The following SPMIP7 variants were observed in gnomAD, a reference collection of about 807,000 sequenced individuals.
The protein encoded by SPMIP7 is protein SPMIP7.
the SPMIP7 span, among the ~76,000 whole-genome samples, chr7:50,128,654 G>A: frequency 1.3e-5 from 2 of 151,884 alleles, no homozygotes; most frequent in African/African-American, 2.4e-5. Flanking sequence ...AGAATAGAAG[G>A]TACATGCGGA....
the SPMIP7 span, chr7:50,140,013 C>A: frequency 1.5e-6 from 1 of 651,720 alleles, no homozygotes. Flanking sequence ...AAATCACAAA[C>A]CTTTAAAGGA....
the SPMIP7 span, among the ~76,000 whole-genome samples, chr7:50,152,493 CG>C: frequency 6.6e-6 from 1 of 152,076 alleles, no homozygotes; most frequent in African/African-American, 2.4e-5. Context: ...GCATTGCAAA[CG>C]GTTTTGAAAA....
chr7:50,141,023 A>G, the SPMIP7 span, among the ~76,000 whole-genome samples: 2 of 152,214 alleles, frequency 1.3e-5, no homozygotes, highest in African/African-American at 4.8e-5. Flanking sequence ...TTTGTTCAGA[A>G]ACACAAAACA....
At chr7:50,138,343 T>C in the SPMIP7 span, among the ~76,000 whole-genome samples, 1 of 152,148 alleles carries the variant, frequency 6.6e-6, no homozygotes, top group Non-Finnish European at 1.5e-5. Context: ...GAATAGGAAA[T>C]ATAAAAGTGA....
chr7:50,139,349 C>CAAA, the SPMIP7 span, among the ~76,000 whole-genome samples: 1 of 96,514 alleles, frequency 1.0e-5, no homozygotes, highest in African/African-American at 3.9e-5. Context: ...GGCACCATCT[C>CAAA]AAAAAAAAAA....
chr7:50,096,784 CAA>C, the SPMIP7 span: 2 of 678,222 alleles, frequency 2.9e-6, no homozygotes, highest in Non-Finnish European at 4.5e-6. Context: ...TTATAAGAAA[CAA>C]AGGAATGATA....
chr7:50,154,726 G>GGAGGAA, the SPMIP7 span, among the ~76,000 whole-genome samples: 1 of 152,306 alleles, frequency 6.6e-6, no homozygotes, highest in South Asian at 2.1e-4. Context: ...TCCTTTGAGT[G>GGAGGAA]TATCTCCAGA....
the SPMIP7 span, among the ~76,000 whole-genome samples, chr7:50,135,594 A>G: frequency 6.6e-6 from 1 of 152,226 alleles, no homozygotes; most frequent in Non-Finnish European, 1.5e-5. Flanking sequence ...ATTTTAAAGG[A>G]TCTCTAAACT....
the SPMIP7 span, among the ~76,000 whole-genome samples, chr7:50,132,563 T>C: frequency 6.6e-6 from 1 of 152,180 alleles, no homozygotes; most frequent in Non-Finnish European, 1.5e-5. Context: ...AAAATATTTA[T>C]GAAATTTATC....
chr7:50,117,589 T>G, the SPMIP7 span, among the ~76,000 whole-genome samples: 1 of 152,194 alleles, frequency 6.6e-6, no homozygotes, highest in African/African-American at 2.4e-5. Context: ...ACCACAATTG[T>G]GAGTGTAGTG....
the SPMIP7 span, chr7:50,117,114 G>A: frequency 1.1e-5 from 4 of 361,934 alleles, no homozygotes; most frequent in African/African-American, 8.5e-5. Flanking sequence ...CCTTTACCTT[G>A]AGAAGACAGC....
chr7:50,120,332 GA>G, the SPMIP7 span: 1 of 152,006 alleles, frequency 6.6e-6, no homozygotes, highest in South Asian at 2.1e-4. Flanking sequence ...CATAAATTGG[GA>G]AAAAATCTTG....
At chr7:50,108,728 T>C in the SPMIP7 span, among the ~76,000 whole-genome samples, 1 of 152,140 alleles carries the variant, frequency 6.6e-6, no homozygotes, top group African/African-American at 2.4e-5. Flanking sequence ...ACTATATTAG[T>C]TTCAAACATA....
chr7:50,136,209 T>C, the SPMIP7 span: 1 of 1,368,486 alleles, frequency 7.3e-7, no homozygotes, highest in Non-Finnish European at 1.0e-6. Flanking sequence ...TTTCTCACTA[T>C]CATGTTTTGT....
chr7:50,122,804 A>G, the SPMIP7 span, among the ~76,000 whole-genome samples: 1 of 152,370 alleles, frequency 6.6e-6, no homozygotes, highest in African/African-American at 2.4e-5. Flanking sequence ...CAGCCAAAAA[A>G]CACATGAAAA....
the SPMIP7 span, among the ~76,000 whole-genome samples, chr7:50,107,797 A>G: frequency 3.3e-5 from 5 of 152,198 alleles, no homozygotes; most frequent in African/African-American, 4.8e-5. Flanking sequence ...TTCCAAACAA[A>G]CAAGCCAAAG....
the SPMIP7 span, among the ~76,000 whole-genome samples, chr7:50,100,760 C>T: frequency 7.9e-5 from 12 of 151,050 alleles, no homozygotes; most frequent in Admixed American, 5.9e-4. Context: ...TGCAGTGAGC[C>T]GAGATCGTGC....
At chr7:50,145,198 G>A in the SPMIP7 span, among the ~76,000 whole-genome samples, 1 of 151,822 alleles carries the variant, frequency 6.6e-6, no homozygotes, top group African/African-American at 2.4e-5. Flanking sequence ...GGGAGGTGAA[G>A]GTTGCAGTGA....
chr7:50,126,749 T>G, the SPMIP7 span, among the ~76,000 whole-genome samples: 1 of 152,070 alleles, frequency 6.6e-6, no homozygotes, highest in East Asian at 1.9e-4. Flanking sequence ...TAATTTAACA[T>G]ACTAATGGAG....
Sources: gnomAD v4.1 joint callset for allele counts (sites outside exome capture counted in the v4.1 genomes callset) on GRCh38, gnomAD v4.1.1 for gene constraint, MANE v1.5 for transcripts, NCBI Gene and HGNC (gene_info 2026-07-23, HGNC 2026-07-21) for gene names.